The following TLN2 variants were observed in gnomAD, a reference collection of about 807,000 sequenced individuals.
TLN2 encodes talin-2.
Under a neutral mutation model 294.7 loss-of-function variants are expected in TLN2, and 118 were observed. The ratio of observed to expected loss-of-function variants is 0.40; its 90% confidence interval spans 0.34 to 0.47. TLN2 has a LOEUF of 0.47. Among genes scored for constraint, TLN2 ranks in the 20% least tolerant of loss-of-function variants. The probability of loss-of-function intolerance (pLI) is 0.84; values close to 1 mark genes in which losing one functional copy is unlikely to be tolerated. For missense variants in TLN2, 3,083 were observed against 3,282.2 expected (o/e 0.94, Z 1.48); for synonymous variants, 1,431 against 1,304.5 (o/e 1.10, Z -2.09).
chr15:62,579,669 C>T (rs2044742887), intron 1 of TLN2, among the ~76,000 whole-genome samples: 2 of 152,140 alleles, frequency 1.3e-5, no homozygotes, highest in South Asian at 2.1e-4. Context: ...GAGGATGCCC[C>T]TCCTTCTCCT....
At chr15:62,485,535 C>T (rs568654975) in intron 1 of TLN2, among the ~76,000 whole-genome samples, 11 of 152,216 alleles carry the variant, frequency 7.2e-5, no homozygotes, top group Non-Finnish European at 1.2e-4. Context: ...GGCAGAAGTG[C>T]GGGGTGGGGG....
chr15:62,838,895 G>C lies in TLN2; in HGVS notation c.7414G>C (p.Val2472Leu). ...NAVKRASDNL[V>L]RAAQKAAFGK... is the part of the protein sequence containing the mutation. ...TGTGAAAAGAGCCTCAGACAATCTT[G>C]TCCGTGCAGCCCAGAAGGCAGCTTT... is the stretch of plus-strand genomic sequence containing the variant. Residue 2472 changes from valine (V) to leucine (L), a missense_variant, in exon 58 of 59, where the codon GTC (valine) becomes CTC (leucine). Val to Leu is a conservative substitution (Grantham distance 32). Coordinates refer to ENST00000636159, the MANE Select transcript of TLN2 (RefSeq NM_015059.3). 6.2e-7 allele frequency: 1 copy of C among 1,611,296 alleles called. No homozygotes were observed. The highest frequency in any genetic ancestry group is 1.1e-5 in the South Asian group (1 of 91,080).
chr15:62,797,881 G>A (rs1308987030), intron 48 of TLN2, among the ~76,000 whole-genome samples: 1 of 152,196 alleles, frequency 6.6e-6, no homozygotes, highest in Admixed American at 6.5e-5. Flanking sequence ...TAGAGGTAGC[G>A]ACTGCAACCA....
intron 11 of TLN2, among the ~76,000 whole-genome samples, chr15:62,679,879 A>T (rs912297140): frequency 6.6e-6 from 1 of 152,180 alleles, no homozygotes; most frequent in Non-Finnish European, 1.5e-5. Context: ...ATATTTATAG[A>T]TTTATGTAAC....
rs1426106994 is a variant in TLN2, at chr15:62,690,637, G to A, written c.1114-2203G>A. ...GCGGCCGGGCAGAGGCTGCAATCTC[G>A]GCACTTTGGGAGGCCAAGGCGGGCA... On this transcript the variant is annotated intron_variant, in intron 12 of 58. Coordinates refer to ENST00000636159, the MANE Select transcript of TLN2 (RefSeq NM_015059.3). 2.0e-5 allele frequency among the ~76,000 whole-genome samples: 3 copies of A among 148,620 alleles called. No homozygotes were observed. In the East Asian group the frequency reaches 5.9e-4, roughly 29 times the overall value.
At chr15:62,523,480 A>G (rs1457506768) in intron 1 of TLN2, among the ~76,000 whole-genome samples, 1 of 152,256 alleles carries the variant, frequency 6.6e-6, no homozygotes, top group Non-Finnish European at 1.5e-5. Context: ...TTTTATTAGC[A>G]GCTGGCAGCT....
intron 9 of TLN2, among the ~76,000 whole-genome samples, chr15:62,671,149 G>A (rs921201559): frequency 6.6e-6 from 1 of 152,080 alleles, no homozygotes; most frequent in African/African-American, 2.4e-5. Flanking sequence ...TTCATTATCA[G>A]TTAAAGGTTT....
At chr15:62,424,582 C>G (rs1056752756) in intron 1 of TLN2, among the ~76,000 whole-genome samples, 6 of 152,214 alleles carry the variant, frequency 3.9e-5, no homozygotes, top group Non-Finnish European at 8.8e-5. Context: ...TTAATCCACA[C>G]CAGGGCCTAG....
chr15:62,597,439 T>C (rs2046627270), intron 2 of TLN2, among the ~76,000 whole-genome samples: 1 of 152,178 alleles, frequency 6.6e-6, no homozygotes, highest in Non-Finnish European at 1.5e-5. Flanking sequence ...TTAAATGGAT[T>C]CCCCTTTTAT....
chr15:62,623,385 G>A (rs995831233), intron 3 of TLN2, among the ~76,000 whole-genome samples: 2 of 152,180 alleles, frequency 1.3e-5, no homozygotes, highest in Non-Finnish European at 2.9e-5. Context: ...GAGAAAGGTA[G>A]TATCTTTTAC....
intron 1 of TLN2, among the ~76,000 whole-genome samples, chr15:62,584,859 A>C (rs1036979376): frequency 2.0e-5 from 3 of 152,222 alleles, no homozygotes; most frequent in African/African-American, 7.2e-5. Flanking sequence ...TGATCACTTC[A>C]AGCCAAGAGT....
At chr15:62,564,923 A>T (rs55908132) in intron 1 of TLN2, among the ~76,000 whole-genome samples, 30,508 of 98,920 alleles carry the variant, frequency 0.31, 4,302 homozygotes, top group East Asian at 0.46. Flanking sequence ...AAAAAAAAAA[A>T]AAATATATAT....
chr15:62,443,460 G>A (rs892434337), intron 1 of TLN2, among the ~76,000 whole-genome samples: 3 of 152,078 alleles, frequency 2.0e-5, no homozygotes, highest in Non-Finnish European at 4.4e-5. Flanking sequence ...ACGTATTTTG[G>A]GCTATGAATG....
intron 57 of TLN2, 63 bp downstream of exon 57, chr15:62,836,136 G>C (rs914347931): frequency 1.3e-6 from 2 of 1,537,474 alleles, no homozygotes; most frequent in African/African-American, 2.7e-5. Context: ...TCACCAGAGG[G>C]GACAAGCCTC....
At chr15:62,596,189 C>A (rs1054945414) in intron 2 of TLN2, among the ~76,000 whole-genome samples, 2 of 143,578 alleles carry the variant, frequency 1.4e-5, no homozygotes, top group African/African-American at 5.2e-5. Context: ...GGCGTGAACC[C>A]AGGAGGCGGA....
At chr15:62,484,048 A>G (rs2038248696) in intron 1 of TLN2, among the ~76,000 whole-genome samples, 1 of 152,176 alleles carries the variant, frequency 6.6e-6, no homozygotes, top group African/African-American at 2.4e-5. Flanking sequence ...TGCTGCCCCC[A>G]GTTTACTGTC....
chr15:62,775,771 G>A (rs1361105033), intron 42 of TLN2, among the ~76,000 whole-genome samples: 2 of 152,230 alleles, frequency 1.3e-5, no homozygotes, highest in African/African-American at 2.4e-5. Flanking sequence ...GGCTCAGGGC[G>A]GCCGTAGCCA....
At chr15:62,493,643 C>T (rs2038867261) in intron 1 of TLN2, among the ~76,000 whole-genome samples, 1 of 146,368 alleles carries the variant, frequency 6.8e-6, no homozygotes, top group African/African-American at 2.5e-5. Flanking sequence ...TGGAGTCTCA[C>T]TCTGTTGACC....
At chr15:62,716,177 G>C (rs1359825435) in intron 22 of TLN2, among the ~76,000 whole-genome samples, 154 bp from the exon 23 acceptor site, 1 of 152,152 alleles carries the variant, frequency 6.6e-6, no homozygotes, top group East Asian at 1.9e-4. Flanking sequence ...ATTTTTTGTT[G>C]CATGAGGAAA....
Sources: gnomAD v4.1 joint callset for allele counts (sites outside exome capture counted in the v4.1 genomes callset) on GRCh38, gnomAD v4.1.1 for gene constraint, MANE v1.5 for transcripts, NCBI Gene and HGNC (gene_info 2026-07-23, HGNC 2026-07-21) for gene names.